CIB1: variants seen among roughly 807,000 people sequenced by gnomAD.
CIB1 encodes the protein calcium and integrin-binding protein 1.
CIB1 carries 19 observed loss-of-function variants against 25.0 expected under a neutral mutation model. The observed-to-expected ratio is 0.76, with a 90% CI of 0.53 to 1.12. The LOEUF is 1.12. Ranked by LOEUF, CIB1 falls within the 50% of genes most tolerant of loss-of-function variation. CIB1 has a pLI of 0.00. For synonymous variants in CIB1, 104 were observed against 98.5 expected (o/e 1.06, Z -0.33); for missense variants, 236 against 242.6 (o/e 0.97, Z 0.18).
rs769659318 is a variant in CIB1 at position 90,232,318 on chromosome 15, C to T, written c.96G>A (p.Arg32=). Residue 32 remains arginine (R), a synonymous_variant, in exon 3 of 7, where the codon AGG becomes AGA. Coordinates refer to ENST00000328649, the MANE Select transcript of CIB1 (RefSeq NM_006384.4). ...CCTGGGGAAGCAGCTCACAAAACCGCCTGTGGGCTCTGGTAGAGAGAGGGG... is the reference window on the plus strand; with the variant it reads ...CCTGGGGAAGCAGCTCACAAAACCGTCTGTGGGCTCTGGTAGAGAGAGGGG... ...LTKQEILLAH[R]RFCELLPQEQ... is the part of the protein sequence containing the mutation. 3.7e-6 allele frequency: 6 copies of T among 1,607,914 alleles called. No homozygotes were observed. Among genetic ancestry groups the T allele is most frequent in the South Asian group, 2.2e-5 (2 of 90,312 alleles).
the CIB1 span, among the ~76,000 whole-genome samples, chr15:90,254,451 T>C: frequency 7.3e-6 from 1 of 136,152 alleles, no homozygotes; most frequent in Admixed American, 8.4e-5. Flanking sequence ...CAAGATTGTG[T>C]CATTGCACTC....
At chr15:90,240,952 C>T in the CIB1 span, 7 of 1,614,034 alleles carry the variant, frequency 4.3e-6, no homozygotes, top group Middle Eastern at 1.6e-4. Context: ...TATTTGCTGC[C>T]TCCCAACAAT....
chr15:90,253,472 C>T, the CIB1 span: 182,573 of 667,828 alleles, frequency 0.27, 29,791 homozygotes, highest in East Asian at 0.65. Flanking sequence ...GTGGCTGTCC[C>T]CTTGTGCAGA....
At chr15:90,258,147 G>A in the CIB1 span, 6 of 1,614,236 alleles carry the variant, frequency 3.7e-6, no homozygotes, top group South Asian at 3.3e-5. Flanking sequence ...AGCCCATTCT[G>A]TTCTACGCCA....
At chr15:90,251,495 A>G in the CIB1 span, 2 of 1,503,600 alleles carry the variant, frequency 1.3e-6, no homozygotes, top group South Asian at 1.1e-5. Context: ...ATGTCTTTTC[A>G]TCTGAGTACC....
chr15:90,254,770 T>C, the CIB1 span, among the ~76,000 whole-genome samples: 3 of 151,254 alleles, frequency 2.0e-5, no homozygotes, highest in African/African-American at 7.3e-5. Context: ...CTCTTGAGCC[T>C]GGGAGGCAGA....
chr15:90,232,301 A>G lies in CIB1; in HGVS notation c.113T>C (p.Leu38Pro), dbSNP rs755394909. ...LLAHRRFCEL[L>P]PQEQRSVESS... is the part of the protein sequence containing the mutation. ...CTCCACGCTCCGCTGCTCCTGGGGA[A>G]GCAGCTCACAAAACCGCCTGTGGGC... Residue 38 changes from leucine to proline, a missense_variant, in exon 3 of 7, where the codon CTT becomes CCT. Transcript: ENST00000328649. The G allele has an allele frequency of 2.5e-6, 4 of 1,610,742 alleles. No individual in the cohort carries two copies. In the African/African-American group the frequency reaches 4.0e-5, roughly 16 times the overall value.
At chr15:90,259,746 G>T in the CIB1 span, among the ~76,000 whole-genome samples, 3 of 152,154 alleles carry the variant, frequency 2.0e-5, no homozygotes, top group Admixed American at 6.5e-5. Flanking sequence ...TTGTCATAAA[G>T]AAACACAGAA....
chr15:90,249,216 A>C, the CIB1 span, among the ~76,000 whole-genome samples: 13 of 36,780 alleles, frequency 3.5e-4, no homozygotes, highest in Non-Finnish European at 1.0e-3. Context: ...CCCCGTCTCA[A>C]AAAAAAAAAA....
Position 90,232,409 on chromosome 15 carries a change from T to C in CIB1, c.87-82A>G, listed in dbSNP as rs559105655. ...ATTCCCACTCCTTGCCTGCTGCTCA[T>C]TGTCAACCAGGTGAGGAGCTAAAAC... On this transcript the variant is annotated intron_variant, in intron 2 of 6. Coordinates refer to ENST00000328649, the MANE Select transcript of CIB1 (RefSeq NM_006384.4). 1,686 of 1,488,346 alleles carry C rather than the reference T, an allele frequency of 1.1e-3. 2 individuals are homozygous for C. Among genetic ancestry groups the C allele is most frequent in the Non-Finnish European group, 1.4e-3 (1,603 of 1,116,858 alleles). The allele number at this position is 1,488,346 out of a possible 1,614,324, so 92.2% of individuals were successfully genotyped here. A position where few individuals can be genotyped will look rare whatever the true frequency, so the allele number is the denominator to read the frequency against.
At chr15:90,264,906 C>G in the CIB1 span, 2 of 1,536,064 alleles carry the variant, frequency 1.3e-6, no homozygotes, top group Non-Finnish European at 1.7e-6. Flanking sequence ...CCCCTCTGCC[C>G]TGCGTCTGCA....
At chr15:90,265,402 C>A in the CIB1 span, 1 of 1,262,934 alleles carries the variant, frequency 7.9e-7, no homozygotes, top group Non-Finnish European at 1.0e-6. Flanking sequence ...GACAGGCAGG[C>A]CTGGGCAGCC....
upstream of CIB1, chr15:90,233,958 C>G: frequency 7.1e-7 from 1 of 1,414,764 alleles, no homozygotes; most frequent in African/African-American, 1.5e-5. Context: ...GCCCTTGGGC[C>G]GCGTCACTGC....
chr15:90,265,322 G>A, the CIB1 span: 33 of 1,210,486 alleles, frequency 2.7e-5, no homozygotes, highest in South Asian at 2.2e-4. Flanking sequence ...GAGAAGCCGA[G>A]TGCCCAAGGC....
the CIB1 span, chr15:90,253,193 TC>T: frequency 6.8e-7 from 1 of 1,467,126 alleles, no homozygotes; most frequent in South Asian, 1.2e-5. Context: ...GCTACACAGT[TC>T]CAGGGCTTGT....
chr15:90,262,544 A>T, the CIB1 span: 1 of 1,531,226 alleles, frequency 6.5e-7, no homozygotes. Flanking sequence ...GACCTCGGGC[A>T]CTAAGAGGCA....
At chr15:90,233,498 G>A (rs553008823) in intron 2 of CIB1, among the ~76,000 whole-genome samples, 171 bp downstream of exon 2, 3 of 152,338 alleles carry the variant, frequency 2.0e-5, no homozygotes, top group South Asian at 4.1e-4. Flanking sequence ...TCAGGCGAGG[G>A]CGGGGAGGGC....
At chr15:90,262,852 C>T in the CIB1 span, 1 of 1,309,290 alleles carries the variant, frequency 7.6e-7, no homozygotes, top group Non-Finnish European at 1.0e-6. Context: ...AAGGAACCTT[C>T]CTGGGTCAGG....
At chr15:90,253,353 A>G in the CIB1 span, 26 of 1,612,492 alleles carry the variant, frequency 1.6e-5, no homozygotes, top group Non-Finnish European at 2.2e-5. Flanking sequence ...AGTCATGGAC[A>G]TGAAGAGGTT....
Sources: gnomAD v4.1 joint callset for allele counts (sites outside exome capture counted in the v4.1 genomes callset) on GRCh38, gnomAD v4.1.1 for gene constraint, MANE v1.5 for transcripts, NCBI Gene and HGNC (gene_info 2026-07-23, HGNC 2026-07-21) for gene names.